C1orf21: variants seen among roughly 807,000 people sequenced by gnomAD.
C1orf21 encodes chromosome 1 open reading frame 21.
Under a neutral mutation model 18.7 loss-of-function variants are expected in C1orf21, and 3 were observed. The ratio of observed to expected loss-of-function variants is 0.16; its 90% CI spans 0.07 to 0.42. The LOEUF (loss-of-function observed/expected upper bound fraction) is 0.42, where lower values mean the gene tolerates loss of function less well. C1orf21 is among the 10% of genes least tolerant of loss of function. The pLI, the probability that C1orf21 is intolerant of heterozygous loss-of-function variation, is 0.99. For synonymous variants in C1orf21, 41 were observed against 46.4 expected, an observed-to-expected ratio of 0.88 and a Z score of 0.47; for missense variants, 104 against 143.6, an observed-to-expected ratio of 0.72 and a Z score of 1.41.
intron 3 of C1orf21, among the ~76,000 whole-genome samples, chr1:184,550,960 G>T (rs916639401): frequency 7.9e-5 from 12 of 152,226 alleles, no homozygotes; most frequent in African/African-American, 2.9e-4. Context: ...TAACAAAATG[G>T]TTTTAGAGAG....
In C1orf21 at chr1:184,477,651, C is replaced by T. The variant is rs747876043; in HGVS notation, c.94+48C>T. On this transcript the variant is annotated intron_variant, in intron 2 of 5. Coordinates refer to ENST00000235307, the MANE Select transcript of C1orf21 (RefSeq NM_030806.4). ...CTTGACCCATTGATTCTAGGCCTTT[C>T]ACTTTTTTTTATTGATACATAATAT... The T allele has an allele frequency of 1.2e-5, 17 of 1,476,224 alleles. No homozygotes were observed. In the South Asian group the frequency reaches 2.0e-4, roughly 18 times the overall value. 91.4% of individuals were successfully genotyped at this position (1,476,224 alleles called of 1,614,324 possible).
At chr1:184,452,632 G>A (rs1657138802) in intron 1 of C1orf21, among the ~76,000 whole-genome samples, 1 of 152,254 alleles carries the variant, frequency 6.6e-6, no homozygotes, top group Non-Finnish European at 1.5e-5. Flanking sequence ...ACATCTGTGT[G>A]GTCAATGGCT....
At chr1:184,461,618 T>G (rs10399817) in intron 1 of C1orf21, among the ~76,000 whole-genome samples, 56,437 of 152,010 alleles carry the variant, frequency 0.37, 12,253 homozygotes, top group African/African-American at 0.61. Flanking sequence ...TCTGTTTTTT[T>G]GGGATGAGTA....
chr1:184,472,288 G>A (rs546541610), intron 1 of C1orf21, among the ~76,000 whole-genome samples: 2 of 152,180 alleles, frequency 1.3e-5, no homozygotes, highest in South Asian at 4.1e-4. Flanking sequence ...TAATAATGTG[G>A]CTGTATCCTT....
chr1:184,617,116 C>T (rs1294969251), intron 5 of C1orf21, among the ~76,000 whole-genome samples: 1 of 152,152 alleles, frequency 6.6e-6, no homozygotes, highest in Non-Finnish European at 1.5e-5. Flanking sequence ...GTAGCATTAG[C>T]TAACATTTAT....
intron 3 of C1orf21, chr1:184,545,998 T>G (rs116919957): frequency 6.6e-6 from 1 of 152,254 alleles, no homozygotes; most frequent in African/African-American, 2.4e-5. Context: ...TGCCAACTTT[T>G]CCTTCTTACT....
At chr1:184,582,841 G>GT (rs1481436569) in intron 3 of C1orf21, among the ~76,000 whole-genome samples, 3 of 152,062 alleles carry the variant, frequency 2.0e-5, no homozygotes, top group Non-Finnish European at 2.9e-5. Context: ...TTGTTTGTTT[G>GT]TTTGTTTTGT....
chr1:184,391,834 A>T (rs1655975188), intron 1 of C1orf21, among the ~76,000 whole-genome samples: 1 of 151,856 alleles, frequency 6.6e-6, no homozygotes, highest in Non-Finnish European at 1.5e-5. Context: ...CAGCCTCCTG[A>T]GTAGCTGGGA....
chr1:184,463,936 T>C (rs1657347489), intron 1 of C1orf21, among the ~76,000 whole-genome samples: 1 of 152,086 alleles, frequency 6.6e-6, no homozygotes, highest in Non-Finnish European at 1.5e-5. Flanking sequence ...TTCTGGACCT[T>C]GAAGGTTGGG....
At chr1:184,555,089 G>A (rs1184834390) in intron 3 of C1orf21, among the ~76,000 whole-genome samples, 1 of 152,114 alleles carries the variant, frequency 6.6e-6, no homozygotes, top group Non-Finnish European at 1.5e-5. Context: ...GCCTTCACTG[G>A]AGTGGCAGCT....
intron 1 of C1orf21, among the ~76,000 whole-genome samples, chr1:184,427,382 C>T (rs1468064392): frequency 6.6e-6 from 1 of 152,064 alleles, no homozygotes; most frequent in Admixed American, 6.5e-5. Flanking sequence ...TCTGTGGAGC[C>T]CTAAAGATTT....
chr1:184,392,852 A>G (rs940690379), intron 1 of C1orf21, among the ~76,000 whole-genome samples: 2 of 109,856 alleles, frequency 1.8e-5, no homozygotes, highest in Non-Finnish European at 3.5e-5. Context: ...TTCTTGAGAC[A>G]GGGTTTCATT....
chr1:184,614,127 T>A (rs1295061960), intron 5 of C1orf21, among the ~76,000 whole-genome samples: 1 of 152,204 alleles, frequency 6.6e-6, no homozygotes, highest in Non-Finnish European at 1.5e-5. Context: ...GATTGAGATG[T>A]GGGCCCCATT....
At chr1:184,427,436 T>G (rs1413638314) in intron 1 of C1orf21, among the ~76,000 whole-genome samples, 2 of 152,204 alleles carry the variant, frequency 1.3e-5, no homozygotes, top group African/African-American at 4.8e-5. Flanking sequence ...GATTGCTTTT[T>G]TTTTCCCCCA....
chr1:184,507,282 A>C (rs1227575138), intron 2 of C1orf21, among the ~76,000 whole-genome samples: 1 of 152,186 alleles, frequency 6.6e-6, no homozygotes. Flanking sequence ...ATACATTTCA[A>C]AAAGTCTTTA....
chr1:184,394,254 C>T (rs1656014293), intron 1 of C1orf21, among the ~76,000 whole-genome samples: 1 of 152,102 alleles, frequency 6.6e-6, no homozygotes, highest in South Asian at 2.1e-4. Flanking sequence ...GTAATAATTC[C>T]TTTTCTTGGA....
chr1:184,479,066 A>G (rs7517518), intron 2 of C1orf21, among the ~76,000 whole-genome samples: 77,593 of 151,988 alleles, frequency 0.51, 20,147 homozygotes, highest in African/African-American at 0.62. Context: ...GTGTTTGGGA[A>G]GAAAACTGTT....
chr1:184,427,751 A>G (rs1192908816), intron 1 of C1orf21, among the ~76,000 whole-genome samples: 1 of 152,136 alleles, frequency 6.6e-6, no homozygotes, highest in African/African-American at 2.4e-5. Context: ...TTTACATCTT[A>G]CCTTTTCCAT....
chr1:184,506,114 C>A (rs1387069049), intron 2 of C1orf21, among the ~76,000 whole-genome samples: 1 of 152,020 alleles, frequency 6.6e-6, no homozygotes, highest in Non-Finnish European at 1.5e-5. Context: ...TATTTAGGAC[C>A]TGGTATTCCT....
Sources: gnomAD v4.1 joint callset for allele counts (sites outside exome capture counted in the v4.1 genomes callset) on GRCh38, gnomAD v4.1.1 for gene constraint, MANE v1.5 for transcripts, NCBI Gene and HGNC (gene_info 2026-07-23, HGNC 2026-07-21) for gene names.